GPAT3: variants seen among roughly 807,000 people sequenced by gnomAD.
GPAT3 encodes the protein 1-AGP acyltransferase 9.
In GPAT3, 53 loss-of-function variants were observed where a neutral mutation model predicts 58.8. The ratio of observed to expected loss-of-function variants is 0.90; its 90% CI spans 0.72 to 1.13. The LOEUF (loss-of-function observed/expected upper bound fraction) is 1.13. Ranked by LOEUF, GPAT3 falls within the 50% of genes most tolerant of loss-of-function variation. The pLI, the probability that GPAT3 is intolerant of heterozygous loss-of-function variation, is 0.00. For missense variants in GPAT3, 511 were observed against 527.6 expected, an observed-to-expected ratio of 0.97 and a Z score of 0.31; for synonymous variants, 197 against 187.4, an observed-to-expected ratio of 1.05 and a Z score of -0.42.
chr4:83,574,305 A>G (rs1485593143), intron 2 of GPAT3, among the ~76,000 whole-genome samples: 2 of 152,210 alleles, frequency 1.3e-5, no homozygotes, highest in South Asian at 4.1e-4. Context: ...CAGAAAAACT[A>G]GTGTGATTTA....
At chr4:83,597,557 A>T in intron 9 of GPAT3, 42 bp downstream of exon 9, 1 of 1,298,788 alleles carries the variant, frequency 7.7e-7, no homozygotes, top group South Asian at 1.6e-5. Flanking sequence ...TATTATAAAG[A>T]TATTGGATTG....
intron 3 of GPAT3, among the ~76,000 whole-genome samples, chr4:83,586,623 TCTTAA>T (rs1476718246): frequency 3.5e-4 from 53 of 152,262 alleles, no homozygotes; most frequent in Non-Finnish European, 1.5e-4. Context: ...AAAGATTTTG[TCTTAA>T]CTTTCCTTTT....
upstream of GPAT3, chr4:83,535,627 G>T (rs1724048644): frequency 2.4e-6 from 2 of 842,290 alleles, no homozygotes; most frequent in Non-Finnish European, 2.9e-6. Context: ...ATACTTAGCC[G>T]CAGGGTTTCT....
chr4:83,579,902 G>A (rs921794417), intron 2 of GPAT3, among the ~76,000 whole-genome samples: 2 of 152,192 alleles, frequency 1.3e-5, no homozygotes, highest in Non-Finnish European at 2.9e-5. Flanking sequence ...AGGTAATACA[G>A]CACTGTCCAT....
chr4:83,575,799 A>G (rs1457056263), intron 2 of GPAT3, among the ~76,000 whole-genome samples: 1 of 152,218 alleles, frequency 6.6e-6, no homozygotes, highest in Non-Finnish European at 1.5e-5. Context: ...GCTCTTTTAC[A>G]GTACAGATTT....
At chr4:83,566,576 A>G (rs1250874971) in intron 2 of GPAT3, among the ~76,000 whole-genome samples, 1 of 151,166 alleles carries the variant, frequency 6.6e-6, no homozygotes, top group Admixed American at 6.6e-5. Context: ...CCGGCCTCCT[A>G]TTTATTCTTG....
At chr4:83,537,367 T>C (rs1233837578) in intron 1 of GPAT3, among the ~76,000 whole-genome samples, 3 of 152,104 alleles carry the variant, frequency 2.0e-5, no homozygotes, top group African/African-American at 7.2e-5. Context: ...TGTTTCCAAA[T>C]CCTGCAAAGA....
chr4:83,586,636 T>G (rs915968969), intron 3 of GPAT3, among the ~76,000 whole-genome samples: 9 of 152,242 alleles, frequency 5.9e-5, no homozygotes, highest in Non-Finnish European at 1.3e-4. Context: ...TAACTTTCCT[T>G]TTTGAATAAT....
At chr4:83,539,770 T>A (rs547043421) in intron 1 of GPAT3, among the ~76,000 whole-genome samples, 1 of 152,354 alleles carries the variant, frequency 6.6e-6, no homozygotes, top group South Asian at 2.1e-4. Flanking sequence ...TCCAAGCCAG[T>A]GATTTTCAAG....
chr4:83,561,973 TC>T (rs1465255755), intron 2 of GPAT3, among the ~76,000 whole-genome samples: 1 of 151,112 alleles, frequency 6.6e-6, no homozygotes, highest in Non-Finnish European at 1.5e-5. Context: ...TTGCTTGTGA[TC>T]ATTTAAGACA....
chr4:83,581,906 CGTA>C, intron 3 of GPAT3, 74 bp downstream of exon 3: 1 of 1,530,730 alleles, frequency 6.5e-7, no homozygotes, highest in Non-Finnish European at 8.8e-7. Flanking sequence ...ATAATGGCCA[CGTA>C]AGTGTTCTGT....
rs971303438 is a variant in GPAT3 at position 83,605,470 on chromosome 4, A to G, written c.*703A>G. On this transcript the variant is annotated 3_prime_UTR_variant, in exon 12 of 12. Coordinates refer to ENST00000264409, the MANE Select transcript of GPAT3 (RefSeq NM_032717.5). ...AGTTTTCCTTGTTTGAATGCTGTAG[A>G]TCTGTACCTAGTACCCCTCCCATCT... 6.6e-6 allele frequency: 1 copy of G among 152,262 alleles called. No homozygotes were observed. Among genetic ancestry groups the G allele is most frequent in the African/African-American group, 2.4e-5 (1 of 41,390 alleles). 9.4% of individuals were successfully genotyped at this position (152,262 alleles called of 1,614,324 possible).
At chr4:83,558,678 G>A (rs774109199) in intron 2 of GPAT3, among the ~76,000 whole-genome samples, 5 of 152,102 alleles carry the variant, frequency 3.3e-5, no homozygotes, top group African/African-American at 1.2e-4. Context: ...TTATAGAAGG[G>A]ACAAAACATA....
At chr4:83,594,313 G>A (rs1435547484) in intron 6 of GPAT3, among the ~76,000 whole-genome samples, 4 of 152,080 alleles carry the variant, frequency 2.6e-5, no homozygotes, top group Non-Finnish European at 4.4e-5. Flanking sequence ...ATAGCCTTGT[G>A]CATATATATT....
rs769158144 is a variant in GPAT3 at position 83,604,817 on chromosome 4, T to A, written c.*50T>A. On this transcript the variant is annotated 3_prime_UTR_variant, in exon 12 of 12. Coordinates refer to ENST00000264409, the MANE Select transcript of GPAT3 (RefSeq NM_032717.5). ...CTAGAACTAGCCCTTAGAAATGGAA[T>A]GGCTTTTTTTGTTTTGTTTTGTTTT... 7.3e-7 allele frequency: 1 copy of A among 1,375,404 alleles called. No individual in the cohort carries two copies. Among genetic ancestry groups the A allele is most frequent in the South Asian group, 1.3e-5 (1 of 79,536 alleles). The allele number at this position is 1,375,404 out of a possible 1,614,324, so 85.2% of individuals were successfully genotyped here. A position where few individuals can be genotyped will look rare whatever the true frequency, so the allele number is the denominator to read the frequency against.
At chr4:83,599,469 GC>G (rs1352419015) in intron 11 of GPAT3, among the ~76,000 whole-genome samples, 3 of 152,184 alleles carry the variant, frequency 2.0e-5, no homozygotes, top group Non-Finnish European at 4.4e-5. Flanking sequence ...TGCAAAGGAA[GC>G]TGGGGAATGT....
Position 83,588,911 on chromosome 4 carries a change from T to G in GPAT3, c.644+612T>G, listed in dbSNP as rs1355108735. Among the ~76,000 whole-genome samples, 3 of 152,248 alleles carry G rather than the reference T, an allele frequency of 2.0e-5. No homozygotes were observed. The East Asian group carries it at 5.8e-4, about 29-fold the overall frequency. On this transcript the variant is annotated intron_variant, in intron 5 of 11. Coordinates refer to ENST00000264409, the MANE Select transcript of GPAT3 (RefSeq NM_032717.5). ...TGATTTTGATTGCATTTGAACTACT[T>G]TTCTATTATCTTAATTTTTTTTAGA... is the stretch of plus-strand genomic sequence containing the variant.
intron 2 of GPAT3, among the ~76,000 whole-genome samples, chr4:83,559,887 G>A (rs1378518397): frequency 3.9e-5 from 6 of 152,166 alleles, no homozygotes; most frequent in African/African-American, 1.2e-4. Flanking sequence ...GCGAGAACAG[G>A]ATTTTGGTCA....
At chr4:83,568,149 C>A (rs1336778594) in intron 2 of GPAT3, among the ~76,000 whole-genome samples, 1 of 151,580 alleles carries the variant, frequency 6.6e-6, no homozygotes, top group Non-Finnish European at 1.5e-5. Context: ...GTAAACTTTA[C>A]CCTGTTTCAC....
Sources: allele counts gnomAD v4.1 joint callset (sites outside exome capture counted in the v4.1 genomes callset), GRCh38; gene constraint gnomAD v4.1.1; transcripts MANE v1.5; gene names NCBI Gene and HGNC (gene_info 2026-07-23, HGNC 2026-07-21).